ARL15: variants seen among roughly 807,000 people sequenced by gnomAD.
The protein encoded by ARL15 is ADP-ribosylation factor-like protein 15.
Under a neutral mutation model 25.2 loss-of-function variants are expected in ARL15, and 19 were observed. The observed-to-expected ratio is 0.75, with a 90% CI of 0.53 to 1.10. The LOEUF (loss-of-function observed/expected upper bound fraction) is 1.10. Ranked by LOEUF, ARL15 falls within the 50% of genes least tolerant of loss-of-function variation. The pLI, the probability that ARL15 is intolerant of heterozygous loss-of-function variation, is 0.00. For missense variants in ARL15, 220 were observed against 246.0 expected, an observed-to-expected ratio of 0.89 and a Z score of 0.71; for synonymous variants, 94 against 86.8, an observed-to-expected ratio of 1.08 and a Z score of -0.46.
At position 54,291,278 on chromosome 5, in the gene ARL15, A is replaced by C. The variant is rs927678096; in HGVS notation, c.48+19154T>G. Among the ~76,000 whole-genome samples, 121 of 152,292 alleles carry C rather than the reference A, an allele frequency of 7.9e-4. 2 individuals carry two copies. The highest frequency in any genetic ancestry group is 2.6e-3 in the African/African-American group (110 of 41,568). Reference sequence around the variant, plus strand: ...AGAGAACAGATAATCCTTGGTTTCCATGGGGGATTGGCTCCAGGACCCTCT... The same window carrying C: ...AGAGAACAGATAATCCTTGGTTTCCCTGGGGGATTGGCTCCAGGACCCTCT... On this transcript the variant is annotated intron_variant, in intron 1 of 4. Coordinates refer to ENST00000504924, the MANE Select transcript of ARL15 (RefSeq NM_019087.3).
chr5:54,054,258 A>G (rs920656887), intron 4 of ARL15, among the ~76,000 whole-genome samples: 3 of 152,176 alleles, frequency 2.0e-5, no homozygotes, highest in African/African-American at 7.2e-5. Flanking sequence ...GTATGCATAT[A>G]TACCTTTAAA....
chr5:54,067,027 A>C (rs1751257563), intron 4 of ARL15: 1 of 152,650 alleles, frequency 6.6e-6, no homozygotes, highest in East Asian at 1.9e-4. Context: ...AATTATACAT[A>C]GATTAAAATT....
chr5:54,294,171 G>A (rs1000469535), intron 1 of ARL15, among the ~76,000 whole-genome samples: 23 of 152,274 alleles, frequency 1.5e-4, no homozygotes, highest in Admixed American at 5.9e-4. Flanking sequence ...TCTCTTCTTT[G>A]AGGAGGTAGG....
At chr5:54,015,303 A>G (rs954195692) in intron 4 of ARL15, among the ~76,000 whole-genome samples, 1 of 151,804 alleles carries the variant, frequency 6.6e-6, no homozygotes, top group African/African-American at 2.4e-5. Context: ...AAAAAAAAAA[A>G]AACAAAAACA....
At chr5:54,010,189 C>T (rs1311301034) in intron 4 of ARL15, among the ~76,000 whole-genome samples, 2 of 152,212 alleles carry the variant, frequency 1.3e-5, no homozygotes, top group Non-Finnish European at 2.9e-5. Flanking sequence ...TAAAAATCTG[C>T]TCCTTGAACA....
chr5:53,961,064 G>T (rs1413906796), intron 4 of ARL15, among the ~76,000 whole-genome samples: 1 of 151,942 alleles, frequency 6.6e-6, no homozygotes, highest in Non-Finnish European at 1.5e-5. Context: ...TGTGGACTGG[G>T]GAATACCAAA....
In ARL15 at chr5:54,136,680, G is replaced by A. The variant is rs371860336; in HGVS notation, c.253+17900C>T. On this transcript the variant is annotated intron_variant, in intron 3 of 4. Transcript: ENST00000504924. ...AGAATTCTGGTTTTTGAACTGTATTGGAATTAAATGTTAAACAAAACTCAC... is the reference window on the plus strand; with the variant it reads ...AGAATTCTGGTTTTTGAACTGTATTAGAATTAAATGTTAAACAAAACTCAC... Among the ~76,000 whole-genome samples, 12 of 152,216 alleles carry A rather than the reference G, an allele frequency of 7.9e-5. 1 individual carries two copies. Among genetic ancestry groups the A allele is most frequent in the African/African-American group, 2.9e-4 (12 of 41,544 alleles).
At chr5:54,310,401 A>G (rs1406105944) in intron 1 of ARL15, 31 bp downstream of exon 1, 1 of 1,601,332 alleles carries the variant, frequency 6.2e-7, no homozygotes. Context: ...GAGATCCGAG[A>G]GGCGACATGC....
chr5:54,242,186 CAATT>C (rs1454822431), intron 1 of ARL15, among the ~76,000 whole-genome samples: 1 of 151,914 alleles, frequency 6.6e-6, no homozygotes, highest in Non-Finnish European at 1.5e-5. Flanking sequence ...CACACACACA[CAATT>C]AAGTTATAAG....
intron 1 of ARL15, among the ~76,000 whole-genome samples, chr5:54,199,468 C>A (rs1421229901): frequency 6.6e-6 from 1 of 151,990 alleles, no homozygotes; most frequent in African/African-American, 2.4e-5. Context: ...ACAACCCTAT[C>A]AAAAAGTGGG....
In ARL15 at chr5:53,926,641, G is replaced by A. The variant is rs72763155; in HGVS notation, c.463-39928C>T. Reference sequence around the variant, plus strand: ...TGAGTGGCTTCCTCTTCTTCAGATTGTTCTACGCCAATCAAAAAAACCATT... The same window carrying A: ...TGAGTGGCTTCCTCTTCTTCAGATTATTCTACGCCAATCAAAAAAACCATT... On this transcript the variant is annotated intron_variant, in intron 4 of 4. Transcript: ENST00000504924. Among the ~76,000 whole-genome samples the A allele has an allele frequency of 2.0e-3, 305 of 152,188 alleles. 1 individual carries two copies. Among genetic ancestry groups the A allele is most frequent in the Admixed American group, 3.7e-3 (56 of 15,286 alleles).
chr5:54,148,845 A>C lies in ARL15; in HGVS notation c.253+5735T>G, dbSNP rs77938153. On this transcript the variant is annotated intron_variant, in intron 3 of 4. Coordinates refer to ENST00000504924, the MANE Select transcript of ARL15 (RefSeq NM_019087.3). Reference sequence around the variant, plus strand: ...GTATTATGATGTCTGGGTCCTTATCAATAAATAATAACACACCAAACATGT... The same window carrying C: ...GTATTATGATGTCTGGGTCCTTATCCATAAATAATAACACACCAAACATGT... Among the ~76,000 whole-genome samples, 616 of 152,338 alleles carry C rather than the reference A, an allele frequency of 4.0e-3. 4 individuals are homozygous for C. The highest frequency in any genetic ancestry group is 0.014 in the African/African-American group (590 of 41,578).
intron 1 of ARL15, among the ~76,000 whole-genome samples, chr5:54,279,861 A>G (rs10940373): frequency 0.64 from 96,951 of 152,130 alleles, 32,147 homozygotes; most frequent in Non-Finnish European, 0.74. Flanking sequence ...GGCTTACTGC[A>G]GCAGCCATGG....
At chr5:54,231,785 T>C (rs1179621070) in intron 1 of ARL15, among the ~76,000 whole-genome samples, 1 of 152,108 alleles carries the variant, frequency 6.6e-6, no homozygotes, top group Non-Finnish European at 1.5e-5. Flanking sequence ...GTGAGGGAGC[T>C]TTCTGGTGTT....
intron 4 of ARL15, among the ~76,000 whole-genome samples, chr5:54,041,372 C>T (rs1474295339): frequency 6.6e-6 from 1 of 152,168 alleles, no homozygotes; most frequent in Non-Finnish European, 1.5e-5. Flanking sequence ...ACTACATCTG[C>T]ACAACAACTA....
intron 4 of ARL15, among the ~76,000 whole-genome samples, chr5:54,036,022 C>T (rs1429324797): frequency 1.3e-5 from 2 of 151,938 alleles, no homozygotes; most frequent in African/African-American, 2.4e-5. Context: ...GTGGTGCATG[C>T]CTACAGAGTC....
intron 4 of ARL15, among the ~76,000 whole-genome samples, chr5:54,029,353 C>CCACCACCACCACCACCACCAA (rs1561195075): frequency 6.9e-6 from 1 of 143,910 alleles, no homozygotes; most frequent in Admixed American, 7.1e-5. Flanking sequence ...ACCACCACCA[C>CCACCACCACCACCACCACCAA]CACCACCACC....
Position 54,070,852 on chromosome 5 carries a change from G to GA in ARL15, c.462+42349dup, listed in dbSNP as rs201380239. Reference sequence around the variant, plus strand: ...GACAGATTGAGACTTTGTCTCAAAGGAAAAAAAAAGAAAAAGAAATACATT... The same window carrying GA: ...GACAGATTGAGACTTTGTCTCAAAGGAAAAAAAAAAGAAAAAGAAATACATT... On this transcript the variant is annotated intron_variant, in intron 4 of 4. Transcript: ENST00000504924. Among the ~76,000 whole-genome samples the GA allele has an allele frequency of 4.9e-3, 735 of 149,608 alleles. 2 individuals carry two copies. The highest frequency in any genetic ancestry group is 0.017 in the African/African-American group (711 of 40,776).
chr5:54,310,202 G>T, intron 1 of ARL15: 2 of 476,072 alleles, frequency 4.2e-6, no homozygotes, highest in Non-Finnish European at 7.4e-6. Flanking sequence ...CCCTCGCCCT[G>T]CAGCCGTGCT....
Sources: gnomAD v4.1 joint callset for allele counts (sites outside exome capture counted in the v4.1 genomes callset) on GRCh38, gnomAD v4.1.1 for gene constraint, MANE v1.5 for transcripts, NCBI Gene and HGNC (gene_info 2026-07-23, HGNC 2026-07-21) for gene names.